CADM2: variants seen among roughly 807,000 people sequenced by gnomAD.
CADM2 encodes immunoglobulin superfamily member 4D.
In CADM2, 12 loss-of-function variants were observed where a neutral mutation model predicts 49.8. That is an observed-to-expected ratio of 0.24 (90% confidence interval 0.15 to 0.39). The LOEUF (loss-of-function observed/expected upper bound fraction) is 0.39, where lower values mean the gene tolerates loss of function less well. CADM2 is among the 10% of genes least tolerant of loss of function. The pLI is 1.00. For missense variants in CADM2, 378 were observed against 492.3 expected (o/e 0.77, Z 2.20); for synonymous variants, 214 against 175.4 (o/e 1.22, Z -1.74).
intron 1 of CADM2, among the ~76,000 whole-genome samples, chr3:85,625,335 G>T (rs562794622): frequency 2.0e-5 from 3 of 151,638 alleles, no homozygotes; most frequent in African/African-American, 7.3e-5. Context: ...CTTCTACTAC[G>T]TATGTTTTTA....
At chr3:85,809,862 T>A (rs1049020538) in intron 3 of CADM2, among the ~76,000 whole-genome samples, 2 of 150,844 alleles carry the variant, frequency 1.3e-5, no homozygotes, top group Admixed American at 6.7e-5. Context: ...CTCTTTCTGA[T>A]TGATCTCTTC....
chr3:85,856,701 A>G (rs1038091493), intron 3 of CADM2, among the ~76,000 whole-genome samples: 2 of 152,200 alleles, frequency 1.3e-5, no homozygotes, highest in Non-Finnish European at 2.9e-5. Flanking sequence ...AAAATGTTCA[A>G]TTGAATTAAC....
chr3:85,616,739 A>G (rs988344709), intron 1 of CADM2, among the ~76,000 whole-genome samples: 4 of 152,184 alleles, frequency 2.6e-5, no homozygotes, highest in Non-Finnish European at 5.9e-5. Context: ...TTAATTTAAT[A>G]CTATTGAAAT....
intron 1 of CADM2, among the ~76,000 whole-genome samples, chr3:85,440,557 A>T (rs1286109265): frequency 6.6e-6 from 1 of 152,190 alleles, no homozygotes; most frequent in African/African-American, 2.4e-5. Context: ...CTTAGGTCTC[A>T]GTGTGGTCAC....
chr3:85,980,980 C>T (rs1450909638), intron 8 of CADM2, among the ~76,000 whole-genome samples: 1 of 151,370 alleles, frequency 6.6e-6, no homozygotes, highest in Admixed American at 6.6e-5. Flanking sequence ...ATGACAACTA[C>T]TGGCATCTAA....
chr3:85,572,280 CTG>C (rs1446066496), intron 1 of CADM2, among the ~76,000 whole-genome samples: 2 of 152,030 alleles, frequency 1.3e-5, no homozygotes, highest in Non-Finnish European at 2.9e-5. Context: ...GAGTAAGACT[CTG>C]TGTAAAAAGT....
chr3:85,682,704 T>G (rs574972135), intron 1 of CADM2, among the ~76,000 whole-genome samples: 2 of 152,242 alleles, frequency 1.3e-5, no homozygotes, highest in South Asian at 4.1e-4. Context: ...TTCTGAAATG[T>G]GATTGATTCC....
chr3:85,611,142 C>T (rs912585018), intron 1 of CADM2, among the ~76,000 whole-genome samples: 1 of 151,880 alleles, frequency 6.6e-6, no homozygotes, highest in Admixed American at 6.6e-5. Context: ...AGAAAAGTCT[C>T]ATGCACAATG....
chr3:85,672,344 C>T (rs1221676703), intron 1 of CADM2, among the ~76,000 whole-genome samples: 2 of 151,920 alleles, frequency 1.3e-5, no homozygotes, highest in African/African-American at 4.8e-5. Flanking sequence ...AGGTGCCCGC[C>T]ACCACGCCTG....
At position 85,070,354 on chromosome 3, in the gene CADM2, G is replaced by A. The variant is rs1035618882; in HGVS notation, c.61+110686G>A. ...ATTTATTTAGCACAAATTCCAAAAT[G>A]TGAAGCATAGCTATACTTCATATCA... On this transcript the variant is annotated intron_variant, in intron 1 of 9. Transcript: ENST00000383699. Among the ~76,000 whole-genome samples, 4 of 152,234 alleles carry A rather than the reference G, an allele frequency of 2.6e-5. No individual in the cohort carries two copies. In the East Asian group the frequency reaches 7.7e-4, roughly 29 times the overall value.
chr3:85,575,035 A>C (rs1214579931), intron 1 of CADM2, among the ~76,000 whole-genome samples: 1 of 152,142 alleles, frequency 6.6e-6, no homozygotes, highest in East Asian at 1.9e-4. Context: ...AAAAATATTT[A>C]GGCATGTAAT....
intron 1 of CADM2, among the ~76,000 whole-genome samples, chr3:85,063,072 A>C (rs2036394392): frequency 6.6e-6 from 1 of 151,904 alleles, no homozygotes; most frequent in Admixed American, 6.6e-5. Context: ...ATAAACTAAA[A>C]ATGACTTTAA....
chr3:85,995,624 A>G (rs945940924), intron 8 of CADM2, among the ~76,000 whole-genome samples: 1 of 152,190 alleles, frequency 6.6e-6, no homozygotes, highest in Non-Finnish European at 1.5e-5. Context: ...ACCATACACT[A>G]TTTATTTCTA....
intron 1 of CADM2, among the ~76,000 whole-genome samples, chr3:85,179,722 G>C (rs1266983274): frequency 6.6e-6 from 1 of 152,042 alleles, no homozygotes; most frequent in African/African-American, 2.4e-5. Context: ...CAAGTGCTTA[G>C]ACCCAGCTGG....
intron 1 of CADM2, among the ~76,000 whole-genome samples, chr3:85,083,625 G>T (rs1312363784): frequency 6.6e-6 from 1 of 152,082 alleles, no homozygotes; most frequent in African/African-American, 2.4e-5. Flanking sequence ...CCTATTGGTT[G>T]TCTTATGGTA....
intron 1 of CADM2, among the ~76,000 whole-genome samples, chr3:85,607,541 A>T (rs2063567093): frequency 6.6e-6 from 1 of 152,178 alleles, no homozygotes; most frequent in South Asian, 2.1e-4. Context: ...ACTAGTGAGA[A>T]ATGCTTGAGG....
intron 1 of CADM2, among the ~76,000 whole-genome samples, chr3:85,484,712 T>A (rs945404980): frequency 3.9e-5 from 6 of 151,994 alleles, no homozygotes; most frequent in Non-Finnish European, 8.8e-5. Flanking sequence ...TGAGTTTAAT[T>A]GTACAACTTA....
chr3:85,978,160 T>C (rs1727023330), intron 8 of CADM2, among the ~76,000 whole-genome samples: 1 of 150,446 alleles, frequency 6.6e-6, no homozygotes, highest in African/African-American at 2.4e-5. Context: ...GCCTATTCAC[T>C]TTAGACAAGA....
intron 1 of CADM2, among the ~76,000 whole-genome samples, chr3:85,636,468 T>A (rs1466208548): frequency 2.0e-5 from 3 of 152,154 alleles, no homozygotes. Flanking sequence ...TTTTAAAAAA[T>A]TAGAAATGTA....
Sources: gnomAD v4.1 joint callset for allele counts (sites outside exome capture counted in the v4.1 genomes callset) on GRCh38, gnomAD v4.1.1 for gene constraint, MANE v1.5 for transcripts, NCBI Gene and HGNC (gene_info 2026-07-23, HGNC 2026-07-21) for gene names.